The following GSE1 variants were observed in gnomAD, a reference collection of about 807,000 sequenced individuals.
The protein encoded by GSE1 is Gse1 coiled-coil protein.
Under a neutral mutation model 112.6 loss-of-function variants are expected in GSE1, and 32 were observed. That is an observed-to-expected ratio of 0.28 (90% CI 0.21 to 0.38). The LOEUF (loss-of-function observed/expected upper bound fraction) is 0.38. GSE1 is among the 10% of genes least tolerant of loss of function. The pLI is 1.00. For missense variants in GSE1, 2,348 were observed against 1,699.2 expected, an observed-to-expected ratio of 1.38 and a Z score of -6.71; for synonymous variants, 1,115 against 735.6, an observed-to-expected ratio of 1.52 and a Z score of -8.35.
In GSE1 at chr16:85,578,515, G is replaced by A. The variant is rs2046323504; in HGVS notation, c.37+22152G>A. The stretch of plus-strand genomic sequence containing the variant: ...CCCGACTTTCTCTGTCTTGTTCTGT[G>A]CAACAAGCGTGTGTTAGCTGTGGTT... On this transcript the variant is annotated intron_variant, in intron 1 of 2. Transcript: ENST00000635906. Among the ~76,000 whole-genome samples the A allele has an allele frequency of 3.3e-5, 5 of 152,200 alleles. No individual in the cohort carries two copies. In the South Asian group the frequency reaches 1.0e-3, roughly 32 times the overall value.
chr16:85,654,310 G>C lies in GSE1; in HGVS notation c.459G>C (p.Arg153=), dbSNP rs2051711206. ...GCTCCAGGAGCAGCAGTGGAGGTCG[G>C]GAACGCCTCATTGTGGAGCCCCCGC... ...DAGSRSSSGG[R]ERLIVEPPLP... The change falls in exon 4 of 16, where the codon CGG becomes CGC. Residue 153 remains arginine, a synonymous_variant. Coordinates refer to ENST00000253458, the MANE Select transcript of GSE1 (RefSeq NM_014615.5). The C allele has an allele frequency of 6.2e-7, 1 of 1,608,444 alleles. No individual in the cohort carries two copies. The highest frequency in any genetic ancestry group is 8.5e-7 in the Non-Finnish European group (1 of 1,178,348).
At chr16:85,253,928 G>C (rs1906790594) in intron 1 of GSE1, among the ~76,000 whole-genome samples, 1 of 152,190 alleles carries the variant, frequency 6.6e-6, no homozygotes, top group African/African-American at 2.4e-5. Context: ...GCACAGACTG[G>C]GTGCTGTGGG....
chr16:85,305,370 G>A (rs561773183), intron 1 of GSE1, among the ~76,000 whole-genome samples: 13 of 152,264 alleles, frequency 8.5e-5, no homozygotes, highest in Admixed American at 3.9e-4. Context: ...CTGCAGCCTC[G>A]AACTCCTGGG....
chr16:85,539,395 T>G (rs2044442858), intron 2 of GSE1, among the ~76,000 whole-genome samples: 1 of 152,248 alleles, frequency 6.6e-6, no homozygotes, highest in African/African-American at 2.4e-5. Flanking sequence ...TAATTACACC[T>G]GCAATTGAGT....
chr16:85,656,513 G>A lies in GSE1; in HGVS notation c.1160G>A (p.Arg387His), dbSNP rs762715287. ...REKERERELERQREQRAREKE... is the reference protein window; with the variant it reads ...REKERERELEHQREQRAREKE... ...AAGGAGCGCGAGCGCGAGCTGGAGCGCCAGCGGGAGCAGCGGGCCCGGGAG... is the reference window on the plus strand; with the variant it reads ...AAGGAGCGCGAGCGCGAGCTGGAGCACCAGCGGGAGCAGCGGGCCCGGGAG... The change falls in exon 7 of 16, where the codon CGC becomes CAC. Residue 387 changes from arginine (R) to histidine (H), a missense_variant. By Grantham distance (29) the Arg-to-His change is conservative. Coordinates refer to ENST00000253458, the MANE Select transcript of GSE1 (RefSeq NM_014615.5). 1.7e-5 allele frequency: 26 copies of A among 1,548,960 alleles called. No individual in the cohort carries two copies. The highest frequency in any genetic ancestry group is 7.3e-5 in the East Asian group (3 of 40,926).
At chr16:85,380,100 AT>A (rs1175129788) in intron 2 of GSE1, among the ~76,000 whole-genome samples, 3 of 152,164 alleles carry the variant, frequency 2.0e-5, no homozygotes, top group Non-Finnish European at 2.9e-5. Flanking sequence ...TAACTCTCTA[AT>A]TTGAACTTGG....
intron 1 of GSE1, among the ~76,000 whole-genome samples, chr16:85,303,894 C>T (rs2045593401): frequency 6.6e-6 from 1 of 152,220 alleles, no homozygotes; most frequent in South Asian, 2.1e-4. Flanking sequence ...AGGGTTGTCC[C>T]GGGGACGCCC....
At chr16:85,655,085 G>A in intron 5 of GSE1, 94 bp downstream of exon 5, 2 of 833,162 alleles carry the variant, frequency 2.4e-6, no homozygotes, top group East Asian at 2.7e-5. Flanking sequence ...TGACCTGAGA[G>A]CCAGGCTCCT....
intron 3 of GSE1, among the ~76,000 whole-genome samples, chr16:85,651,686 C>T (rs1440300823): frequency 6.6e-6 from 1 of 152,206 alleles, no homozygotes; most frequent in Non-Finnish European, 1.5e-5. Flanking sequence ...CTCCAGCCCT[C>T]TTCTGACTCT....
intron 2 of GSE1, among the ~76,000 whole-genome samples, chr16:85,464,576 C>A (rs1419785552): frequency 6.6e-6 from 1 of 152,186 alleles, no homozygotes; most frequent in Non-Finnish European, 1.5e-5. Context: ...GTCTCTGTTT[C>A]CCCCGAGGGG....
intron 2 of GSE1, among the ~76,000 whole-genome samples, chr16:85,382,891 C>T (rs2047584941): frequency 6.6e-6 from 1 of 151,266 alleles, no homozygotes; most frequent in Non-Finnish European, 1.5e-5. Context: ...ACCGTGCACA[C>T]ACACGCATAC....
At position 85,650,987 on chromosome 16, in the gene GSE1, A is replaced by G. The variant is rs1347121936; in HGVS notation, c.426+2236A>G. ...CAGGGCATGTCCCGCCTGTCTGACTATGGAACCCTTGCTCTAATCACCGGA... is the reference window on the plus strand; with the variant it reads ...CAGGGCATGTCCCGCCTGTCTGACTGTGGAACCCTTGCTCTAATCACCGGA... On this transcript the variant is annotated intron_variant, in intron 3 of 15. Transcript: ENST00000253458. Among the ~76,000 whole-genome samples the G allele has an allele frequency of 2.7e-5, 4 of 146,798 alleles. 1 individual carries two copies. The East Asian group carries it at 6.1e-4, about 22-fold the overall frequency.
intron 1 of GSE1, among the ~76,000 whole-genome samples, chr16:85,261,840 C>T (rs919270683): frequency 2.0e-5 from 3 of 152,180 alleles, no homozygotes; most frequent in African/African-American, 7.2e-5. Flanking sequence ...TGCAGCTGGG[C>T]AGCAGTGGGG....
At chr16:85,194,566 A>G (rs1460857335) in intron 1 of GSE1, among the ~76,000 whole-genome samples, 1 of 152,186 alleles carries the variant, frequency 6.6e-6, no homozygotes, top group African/African-American at 2.4e-5. Context: ...GACCCTTAGC[A>G]GGGCCCCATG....
chr16:85,470,190 C>T (rs1360811703), intron 2 of GSE1, among the ~76,000 whole-genome samples: 3 of 152,366 alleles, frequency 2.0e-5, no homozygotes, highest in Non-Finnish European at 4.4e-5. Flanking sequence ...TCATGCTGTG[C>T]CCACGGCACC....
intron 1 of GSE1, among the ~76,000 whole-genome samples, chr16:85,585,335 G>T (rs1029523946): frequency 6.6e-6 from 1 of 152,216 alleles, no homozygotes; most frequent in Admixed American, 6.5e-5. Flanking sequence ...CTGCCCTGGG[G>T]CTTTCCTTCT....
At chr16:85,484,056 C>T (rs376633339) in intron 2 of GSE1, among the ~76,000 whole-genome samples, 1 of 152,312 alleles carries the variant, frequency 6.6e-6, no homozygotes, top group East Asian at 1.9e-4. Context: ...CCCAGAAGAC[C>T]CTCAGATTCG....
intron 1 of GSE1, among the ~76,000 whole-genome samples, chr16:85,232,835 C>G (rs1325621816): frequency 6.6e-6 from 1 of 152,272 alleles, no homozygotes; most frequent in African/African-American, 2.4e-5. Flanking sequence ...TTCAGGATCT[C>G]AACCCTATGT....
chr16:85,324,778 G>C (rs1293546448), intron 1 of GSE1, among the ~76,000 whole-genome samples: 1 of 152,090 alleles, frequency 6.6e-6, no homozygotes, highest in East Asian at 1.9e-4. Context: ...ATGAGTGGCT[G>C]GCAGGGCCTG....
Sources: gnomAD v4.1 joint callset for allele counts (sites outside exome capture counted in the v4.1 genomes callset) on GRCh38, gnomAD v4.1.1 for gene constraint, MANE v1.5 for transcripts, NCBI Gene and HGNC (gene_info 2026-07-23, HGNC 2026-07-21) for gene names.